Variants in KALRN observed in about 807,000 individuals in gnomAD.
KALRN encodes kalirin RhoGEF kinase.
Under a neutral mutation model 353.7 loss-of-function variants are expected in KALRN, and 70 were observed. The ratio of observed to expected loss-of-function variants is 0.20; its 90% CI spans 0.16 to 0.24. The LOEUF (loss-of-function observed/expected upper bound fraction) is 0.24, where lower values mean the gene tolerates loss of function less well. KALRN is among the 10% of genes least tolerant of loss of function. KALRN has a pLI of 1.00. For synonymous variants in KALRN, 1,391 were observed against 1,434.8 expected (o/e 0.97, Z 0.69); for missense variants, 2,791 against 3,756.7 (o/e 0.74, Z 6.72).
intron 6 of KALRN, among the ~76,000 whole-genome samples, chr3:124,304,872 G>T (rs539472718): frequency 3.3e-5 from 5 of 152,166 alleles, no homozygotes; most frequent in African/African-American, 1.2e-4. Flanking sequence ...CCCAAACTAC[G>T]TGTTGCTGAA....
chr3:124,126,261 A>G (rs1352574907), intron 1 of KALRN, among the ~76,000 whole-genome samples: 2 of 152,150 alleles, frequency 1.3e-5, no homozygotes, highest in East Asian at 1.9e-4. Context: ...TATATCAATC[A>G]GAAGGATTTT....
At chr3:124,287,718 G>A (rs912746920) in intron 5 of KALRN, among the ~76,000 whole-genome samples, 11 of 120,226 alleles carry the variant, frequency 9.1e-5, no homozygotes, top group Non-Finnish European at 1.9e-4. Flanking sequence ...GTATATTGAG[G>A]TTACCTGGAG....
At chr3:124,420,389 A>G (rs2092724044) in intron 14 of KALRN, among the ~76,000 whole-genome samples, 1 of 152,270 alleles carries the variant, frequency 6.6e-6, no homozygotes, top group Admixed American at 6.5e-5. Context: ...AATCCGCATC[A>G]AGACTGGAAG....
chr3:124,201,867 A>T (rs997298589), intron 1 of KALRN, among the ~76,000 whole-genome samples: 1 of 152,236 alleles, frequency 6.6e-6, no homozygotes, highest in Non-Finnish European at 1.5e-5. Context: ...CTTGGGCCAC[A>T]TCTATGTCTC....
intron 33 of KALRN, among the ~76,000 whole-genome samples, chr3:124,557,756 G>A (rs748697029): frequency 3.3e-5 from 5 of 152,156 alleles, no homozygotes; most frequent in Admixed American, 1.3e-4. Flanking sequence ...AGAGGAGGTC[G>A]GACTTATCTG....
chr3:124,712,570 G>T (rs1000345320), intron 57 of KALRN, among the ~76,000 whole-genome samples: 1 of 150,346 alleles, frequency 6.7e-6, no homozygotes, highest in African/African-American at 2.5e-5. Context: ...GAAGCAAGAG[G>T]CTTGAGCCTG....
At chr3:124,058,699 G>T (rs2041762231) in intron 1 of KALRN, among the ~76,000 whole-genome samples, 1 of 152,148 alleles carries the variant, frequency 6.6e-6, no homozygotes, top group African/African-American at 2.4e-5. Context: ...AATTGATCCA[G>T]CCCAATTAAA....
At chr3:124,500,650 T>C (rs188176359) in intron 33 of KALRN, among the ~76,000 whole-genome samples, 4 of 152,338 alleles carry the variant, frequency 2.6e-5, no homozygotes, top group Admixed American at 2.0e-4. Flanking sequence ...CCAGGGTTGC[T>C]TTTGTTCAAT....
At chr3:124,041,542 A>G (rs2039968298) in intron 1 of KALRN, among the ~76,000 whole-genome samples, 1 of 152,150 alleles carries the variant, frequency 6.6e-6, no homozygotes, top group South Asian at 2.1e-4. Flanking sequence ...GCACCCTTTT[A>G]CAGCAGGTCA....
intron 1 of KALRN, among the ~76,000 whole-genome samples, chr3:124,181,763 C>T (rs1262087336): frequency 1.3e-5 from 2 of 152,154 alleles, no homozygotes; most frequent in Non-Finnish European, 2.9e-5. Context: ...ATGTGCTGTG[C>T]AACACTGTTT....
chr3:124,623,321 T>G (rs187729318), intron 34 of KALRN, among the ~76,000 whole-genome samples: 123 of 151,268 alleles, frequency 8.1e-4, no homozygotes, highest in African/African-American at 2.7e-3. Flanking sequence ...TTTTATTTGG[T>G]TACTAATTGT....
intron 39 of KALRN, among the ~76,000 whole-genome samples, chr3:124,657,032 A>G (rs1240166515): frequency 1.3e-5 from 2 of 152,206 alleles, no homozygotes; most frequent in Non-Finnish European, 2.9e-5. Flanking sequence ...TACCTGTCCA[A>G]CCTCAAAACC....
At chr3:124,709,522 C>A (rs2062792402) in intron 57 of KALRN, among the ~76,000 whole-genome samples, 1 of 152,178 alleles carries the variant, frequency 6.6e-6, no homozygotes, top group Admixed American at 6.5e-5. Context: ...AAGTGATGCA[C>A]CCACCTTGGT....
At chr3:124,340,087 C>T (rs1344392092) in intron 9 of KALRN, among the ~76,000 whole-genome samples, 1 of 152,118 alleles carries the variant, frequency 6.6e-6, no homozygotes, top group East Asian at 1.9e-4. Context: ...CAAATGAACC[C>T]CCTGTTTACA....
At chr3:124,597,477 C>T (rs2076380517) in intron 34 of KALRN, among the ~76,000 whole-genome samples, 1 of 152,110 alleles carries the variant, frequency 6.6e-6, no homozygotes, top group Admixed American at 6.6e-5. Flanking sequence ...GGAGGACTCC[C>T]CAGGGGATGC....
rs1560091258 is a variant in KALRN, at chr3:124,152,593, C to CTTTCTT, written c.74-75394_74-75393insCTTTTT. ...TTTTCTTTTCTTTCTTTCTTTCTTT[C>CTTTCTT]TTTTTTTTTTTTTTTTTTGAGACAG... On this transcript the variant is annotated intron_variant, in intron 1 of 59. Coordinates refer to ENST00000682506, the MANE Select transcript of KALRN (RefSeq NM_001388419.1). 210 of 56,590 alleles carry CTTTCTT rather than the reference C, an allele frequency of 3.7e-3. 1 individual carries two copies. Among genetic ancestry groups the CTTTCTT allele is most frequent in the African/African-American group, 0.011 (193 of 17,482 alleles). 3.5% of individuals were successfully genotyped at this position (56,590 alleles called of 1,614,324 possible).
chr3:124,081,988 A>G (rs978577867), intron 1 of KALRN, among the ~76,000 whole-genome samples: 1 of 152,202 alleles, frequency 6.6e-6, no homozygotes, highest in Non-Finnish European at 1.5e-5. Context: ...TTAATTTCTA[A>G]CTTACTTTTA....
chr3:124,189,980 A>G (rs549448033), intron 1 of KALRN, among the ~76,000 whole-genome samples: 1 of 152,052 alleles, frequency 6.6e-6, no homozygotes, highest in African/African-American at 2.4e-5. Context: ...AATTTATAGA[A>G]TGAACTTTTA....
rs138663968 is a variant in KALRN, at chr3:124,371,001, C to T, written c.1771-13844C>T. Among the ~76,000 whole-genome samples, 486 of 152,338 alleles carry T rather than the reference C, an allele frequency of 3.2e-3. 3 individuals carry two copies. In the Middle Eastern group the frequency reaches 0.034, roughly 11 times the overall value. ...TTATAAACTGCCAATTCCTTTAGGG[C>T]ATTGTCCCCATAAACTTTTTATAAA... is the stretch of plus-strand genomic sequence containing the variant. On this transcript the variant is annotated intron_variant, in intron 10 of 59. Coordinates refer to ENST00000682506, the MANE Select transcript of KALRN (RefSeq NM_001388419.1).
Sources: allele counts gnomAD v4.1 joint callset (sites outside exome capture counted in the v4.1 genomes callset), GRCh38; gene constraint gnomAD v4.1.1; transcripts MANE v1.5; gene names NCBI Gene and HGNC (gene_info 2026-07-23, HGNC 2026-07-21).